Variants in ARHGEF28 observed in about 807,000 individuals in gnomAD.
The protein encoded by ARHGEF28 is Rho guanine nucleotide exchange factor 28, also known as 190 kDa guanine nucleotide exchange factor.
Under a neutral mutation model 206.6 loss-of-function variants are expected in ARHGEF28, and 152 were observed. The observed-to-expected ratio is 0.74, with a 90% CI of 0.64 to 0.84. The LOEUF is 0.84. ARHGEF28 is among the 40% of genes least tolerant of loss of function. The probability of loss-of-function intolerance (pLI) is 0.00; values close to 1 mark genes in which losing one functional copy is unlikely to be tolerated. For missense variants in ARHGEF28, 2,028 were observed against 2,073.2 expected, an observed-to-expected ratio of 0.98 and a Z score of 0.42; for synonymous variants, 763 against 776.4, an observed-to-expected ratio of 0.98 and a Z score of 0.29.
chr5:73,843,637 G>A (rs977973441), intron 11 of ARHGEF28, among the ~76,000 whole-genome samples: 1 of 152,144 alleles, frequency 6.6e-6, no homozygotes, highest in Non-Finnish European at 1.5e-5. Flanking sequence ...TAGCTGACTG[G>A]GACCTGAGTC....
chr5:73,849,148 A>G, intron 13 of ARHGEF28, 61 bp downstream of exon 13: 1 of 1,186,688 alleles, frequency 8.4e-7, no homozygotes, highest in African/African-American at 1.6e-5. Flanking sequence ...TTTTTCAGTT[A>G]GTATAAGTAC....
chr5:73,801,120 C>T (rs1446217160), intron 9 of ARHGEF28, among the ~76,000 whole-genome samples: 2 of 152,164 alleles, frequency 1.3e-5, no homozygotes, highest in Non-Finnish European at 2.9e-5. Flanking sequence ...ACTTGTAAGT[C>T]GCCTGTGGAA....
At chr5:73,681,767 A>G (rs1199484412) in intron 1 of ARHGEF28, among the ~76,000 whole-genome samples, 1 of 152,084 alleles carries the variant, frequency 6.6e-6, no homozygotes, top group Non-Finnish European at 1.5e-5. Flanking sequence ...GTGAGCCAAA[A>G]TCATGCCACT....
rs570835574 is a variant in ARHGEF28 at position 73,882,125 on chromosome 5, A to G, written c.2815-347A>G. ...TTCCTGAAGGCCCCTAAATGTTGCC[A>G]TATACTTTTCTTTCAATCTATAAAA... On this transcript the variant is annotated intron_variant, in intron 22 of 35. Transcript: ENST00000513042. Among the ~76,000 whole-genome samples the G allele has an allele frequency of 2.8e-3, 425 of 152,268 alleles. 3 individuals are homozygous for G. Among genetic ancestry groups the G allele is most frequent in the African/African-American group, 6.7e-3 (280 of 41,556 alleles).
chr5:73,628,172 G>A (rs1189963351), intron 1 of ARHGEF28, among the ~76,000 whole-genome samples: 1 of 151,938 alleles, frequency 6.6e-6, no homozygotes, highest in Non-Finnish European at 1.5e-5. Flanking sequence ...CTACACTTGT[G>A]GCTAAGACTT....
At chr5:73,762,455 CAAA>C (rs35028103) in intron 4 of ARHGEF28, among the ~76,000 whole-genome samples, 3,322 of 66,894 alleles carry the variant, frequency 0.05, 167 homozygotes, top group African/African-American at 0.14. Context: ...GACTCCCTCT[CAAA>C]AAAAAAAAAA....
intron 1 of ARHGEF28, among the ~76,000 whole-genome samples, chr5:73,646,212 A>G (rs926180441): frequency 6.6e-6 from 1 of 152,138 alleles, no homozygotes; most frequent in Non-Finnish European, 1.5e-5. Flanking sequence ...TTTAATTCTG[A>G]CACATCCTCT....
At chr5:73,834,777 T>G (rs1038792703) in intron 10 of ARHGEF28, among the ~76,000 whole-genome samples, 2 of 152,150 alleles carry the variant, frequency 1.3e-5, no homozygotes, top group African/African-American at 4.8e-5. Flanking sequence ...GATTTGTAGC[T>G]TAGGAGAAAT....
chr5:73,879,707 C>T (rs1321813296), intron 22 of ARHGEF28, among the ~76,000 whole-genome samples: 1 of 152,226 alleles, frequency 6.6e-6, no homozygotes, highest in Non-Finnish European at 1.5e-5. Context: ...CCCTGTTTGC[C>T]TGGGTATCAG....
intron 2 of ARHGEF28, among the ~76,000 whole-genome samples, chr5:73,727,779 C>T (rs1220369216): frequency 2.6e-5 from 4 of 152,194 alleles, no homozygotes. Flanking sequence ...CCCTCAACAT[C>T]CAGTTAAAAT....
chr5:73,859,782 G>GGTGGACTT, intron 16 of ARHGEF28, among the ~76,000 whole-genome samples: 1 of 152,216 alleles, frequency 6.6e-6, no homozygotes, highest in South Asian at 2.1e-4. Flanking sequence ...CACCCTTGTG[G>GGTGGACTT]GTGGACTTGT....
chr5:73,939,793 A>G (rs1184354514), intron 35 of ARHGEF28, among the ~76,000 whole-genome samples: 1 of 152,236 alleles, frequency 6.6e-6, no homozygotes, highest in Non-Finnish European at 1.5e-5. Context: ...TGTCATTGGA[A>G]TGTCTGCACG....
chr5:73,782,020 G>C (rs574944690), intron 7 of ARHGEF28, among the ~76,000 whole-genome samples: 1 of 151,252 alleles, frequency 6.6e-6, no homozygotes, highest in East Asian at 1.9e-4. Flanking sequence ...AGCCACCAAT[G>C]TTAATAGCTG....
intron 1 of ARHGEF28, among the ~76,000 whole-genome samples, chr5:73,676,083 T>TTG (rs1461572114): frequency 6.7e-6 from 1 of 150,208 alleles, no homozygotes; most frequent in Non-Finnish European, 1.5e-5. Context: ...TTTTTTTTTT[T>TTG]TTTTGAGACA....
chr5:73,645,855 C>T (rs1324260258), intron 1 of ARHGEF28, among the ~76,000 whole-genome samples: 1 of 151,824 alleles, frequency 6.6e-6, no homozygotes, highest in East Asian at 1.9e-4. Flanking sequence ...CCCCTCCTTT[C>T]CTTTCCCCCC....
At chr5:73,924,947 A>C (rs1157659574) in intron 35 of ARHGEF28, among the ~76,000 whole-genome samples, 1 of 152,224 alleles carries the variant, frequency 6.6e-6, no homozygotes, top group East Asian at 1.9e-4. Flanking sequence ...TGCATGCGGC[A>C]TACCCTTCAA....
At chr5:73,820,006 C>A (rs4329007) in intron 9 of ARHGEF28, among the ~76,000 whole-genome samples, 19,925 of 152,132 alleles carry the variant, frequency 0.13, 1,394 homozygotes, top group East Asian at 0.2. Context: ...AACCTCTATA[C>A]CCTAAGACAC....
chr5:73,657,002 C>G (rs981116863), intron 1 of ARHGEF28, among the ~76,000 whole-genome samples: 6 of 151,870 alleles, frequency 4.0e-5, no homozygotes, highest in African/African-American at 1.5e-4. Context: ...AATCCTGTCT[C>G]TACTAAAAAA....
intron 12 of ARHGEF28, among the ~76,000 whole-genome samples, chr5:73,847,907 C>T (rs1404085500): frequency 6.6e-6 from 1 of 152,174 alleles, no homozygotes; most frequent in East Asian, 1.9e-4. Context: ...GGAGCCAAAG[C>T]CCAAGGGCCC....
Sources: gnomAD v4.1 joint callset for allele counts (sites outside exome capture counted in the v4.1 genomes callset) on GRCh38, gnomAD v4.1.1 for gene constraint, MANE v1.5 for transcripts, NCBI Gene and HGNC (gene_info 2026-07-23, HGNC 2026-07-21) for gene names.